The following GPATCH2 variants were observed in gnomAD, a reference collection of about 807,000 sequenced individuals.
GPATCH2 encodes the protein G-patch domain containing 2, also known as G patch domain-containing protein 2.
In GPATCH2, 51 loss-of-function variants were observed where a neutral mutation model predicts 58.0. The observed-to-expected ratio is 0.88, with a 90% CI of 0.70 to 1.11. The LOEUF (loss-of-function observed/expected upper bound fraction) is 1.11. Ranked by LOEUF, GPATCH2 falls within the 50% of genes most tolerant of loss-of-function variation. GPATCH2 has a pLI of 0.00. For missense variants in GPATCH2, 625 were observed against 652.2 expected, an observed-to-expected ratio of 0.96 and a Z score of 0.45; for synonymous variants, 222 against 218.5, an observed-to-expected ratio of 1.02 and a Z score of -0.14.
At chr1:217,565,751 G>A (rs893116421) in intron 5 of GPATCH2, among the ~76,000 whole-genome samples, 8 of 123,682 alleles carry the variant, frequency 6.5e-5, no homozygotes, top group South Asian at 2.8e-4. Context: ...TAAATAAAAC[G>A]TATATAAAAA....
intron 8 of GPATCH2, among the ~76,000 whole-genome samples, chr1:217,454,469 G>A (rs868644283): frequency 6.6e-6 from 1 of 150,520 alleles, no homozygotes; most frequent in Non-Finnish European, 1.5e-5. Context: ...GGCGCCTGTA[G>A]TCCCAGCTAC....
intron 5 of GPATCH2, among the ~76,000 whole-genome samples, chr1:217,549,720 A>C (rs1665256009): frequency 6.6e-6 from 1 of 152,234 alleles, no homozygotes; most frequent in Non-Finnish European, 1.5e-5. Context: ...AGAATTGACC[A>C]ATTTAGTTAA....
chr1:217,493,461 A>G (rs965764273), intron 7 of GPATCH2, among the ~76,000 whole-genome samples: 1 of 152,034 alleles, frequency 6.6e-6, no homozygotes, highest in African/African-American at 2.4e-5. Flanking sequence ...CAATTTGCCT[A>G]TATCTTCAGG....
intron 5 of GPATCH2, among the ~76,000 whole-genome samples, chr1:217,546,247 T>C (rs981262890): frequency 1.3e-5 from 2 of 152,206 alleles, no homozygotes; most frequent in Admixed American, 6.5e-5. Context: ...TTAAATGCTA[T>C]TCCTATTAAA....
At chr1:217,599,175 T>C (rs940306525) in intron 5 of GPATCH2, among the ~76,000 whole-genome samples, 2 of 152,260 alleles carry the variant, frequency 1.3e-5, no homozygotes, top group Middle Eastern at 3.4e-3. Context: ...TGAAGTATTA[T>C]AGGTCATAGG....
chr1:217,554,412 C>G lies in GPATCH2; in HGVS notation c.1099-39523G>C, dbSNP rs555229370. On this transcript the variant is annotated intron_variant, in intron 5 of 9. Coordinates refer to ENST00000366935, the MANE Select transcript of GPATCH2 (RefSeq NM_018040.5). Reference sequence around the variant, plus strand: ...TCTGTACTTGAGCATCTCTTGAGATCACATTAATAACACTACATTGCCTGG... The same window carrying G: ...TCTGTACTTGAGCATCTCTTGAGATGACATTAATAACACTACATTGCCTGG... Among the ~76,000 whole-genome samples the G allele has an allele frequency of 9.2e-5, 14 of 152,242 alleles. 1 individual carries two copies. The highest frequency in any genetic ancestry group is 7.2e-4 in the Admixed American group (11 of 15,284).
chr1:217,482,701 T>A (rs981484880), intron 8 of GPATCH2, among the ~76,000 whole-genome samples: 3 of 151,514 alleles, frequency 2.0e-5, no homozygotes, highest in African/African-American at 4.9e-5. Flanking sequence ...AGATTTTATT[T>A]AAAAAAAAAT....
At chr1:217,481,930 T>C (rs139926560) in intron 8 of GPATCH2, among the ~76,000 whole-genome samples, 296 of 151,828 alleles carry the variant, frequency 1.9e-3, no homozygotes, top group African/African-American at 6.1e-3. Context: ...ACAGGAAAAA[T>C]AGAAACAATA....
At chr1:217,513,923 C>T (rs1383598700) in intron 6 of GPATCH2, among the ~76,000 whole-genome samples, 5 of 151,266 alleles carry the variant, frequency 3.3e-5, no homozygotes, top group Non-Finnish European at 7.4e-5. Flanking sequence ...CTCCCAAGTT[C>T]TAGTGAGTCT....
At chr1:217,630,791 A>G (rs968576386) in intron 1 of GPATCH2, 125 bp downstream of exon 1, 2 of 659,266 alleles carry the variant, frequency 3.0e-6, no homozygotes, top group Non-Finnish European at 5.2e-6. Flanking sequence ...GAGTGAGAGC[A>G]AGGCCTAGAT....
intron 9 of GPATCH2, among the ~76,000 whole-genome samples, chr1:217,434,343 T>G (rs1390459816): frequency 1.3e-5 from 2 of 152,206 alleles, no homozygotes; most frequent in Non-Finnish European, 2.9e-5. Context: ...TAAAAATCTT[T>G]TGTCAAAAAT....
chr1:217,550,419 A>G (rs1035662882), intron 5 of GPATCH2, among the ~76,000 whole-genome samples: 12 of 152,094 alleles, frequency 7.9e-5, no homozygotes, highest in Non-Finnish European at 1.5e-4. Context: ...GACATTCATT[A>G]CCCTCAAAGT....
intron 8 of GPATCH2, among the ~76,000 whole-genome samples, chr1:217,458,012 A>G (rs1047481827): frequency 1.3e-5 from 2 of 152,074 alleles, no homozygotes; most frequent in Non-Finnish European, 2.9e-5. Context: ...CGGACCACGA[A>G]GTCAGGAGAT....
intron 5 of GPATCH2, among the ~76,000 whole-genome samples, chr1:217,594,330 G>A (rs1667723258): frequency 6.6e-6 from 1 of 151,890 alleles, no homozygotes; most frequent in Non-Finnish European, 1.5e-5. Flanking sequence ...AACAACTGCT[G>A]TTTAAAAAAA....
At chr1:217,523,764 C>A in intron 5 of GPATCH2, among the ~76,000 whole-genome samples, 1 of 148,522 alleles carries the variant, frequency 6.7e-6, no homozygotes, top group Non-Finnish European at 1.5e-5. Flanking sequence ...GCAGAGGCGC[C>A]CCTCACCTCC....
chr1:217,620,590 C>CA (rs1669137802), intron 1 of GPATCH2, 91 bp from the exon 2 acceptor site: 1 of 742,166 alleles, frequency 1.3e-6, no homozygotes, highest in African/African-American at 1.9e-5. Context: ...CTAAATTCGA[C>CA]AAAAATTAAT....
intron 5 of GPATCH2, among the ~76,000 whole-genome samples, chr1:217,536,872 G>A (rs1227063807): frequency 6.6e-6 from 1 of 152,178 alleles, no homozygotes; most frequent in African/African-American, 2.4e-5. Context: ...AGCTACTCGG[G>A]AGGCTGAGGC....
chr1:217,430,850 GGAAAGTATTGACACAT>G lies in GPATCH2; in HGVS notation c.*279_*294del. 1 of 408,554 alleles carries G rather than the reference GGAAAGTATTGACACAT, an allele frequency of 2.4e-6. No individual in the cohort carries two copies. The highest frequency in any genetic ancestry group is 4.5e-6 in the Non-Finnish European group (1 of 224,552). 25.3% of individuals were successfully genotyped at this position (408,554 alleles called of 1,614,324 possible). Reference sequence around the variant, plus strand: ...ACATACATGAATTAAGCAAAGCATCGGAAAGTATTGACACATGAGACTAAAATAAATAAGAGAAACG... The same window carrying G: ...ACATACATGAATTAAGCAAAGCATCGGAGACTAAAATAAATAAGAGAAACG... On this transcript the variant is annotated 3_prime_UTR_variant, in exon 10 of 10. Transcript: ENST00000366935.
chr1:217,577,851 G>A lies in GPATCH2; in HGVS notation c.1098+32470C>T, dbSNP rs1029407267. The stretch of plus-strand genomic sequence containing the variant: ...CAACCTCCGCCTCCCAGGTTCAAGC[G>A]TTTCTCCTGCTTCAGCCACCCGAGT... On this transcript the variant is annotated intron_variant, in intron 5 of 9. Coordinates refer to ENST00000366935, the MANE Select transcript of GPATCH2 (RefSeq NM_018040.5). Among the ~76,000 whole-genome samples the A allele has an allele frequency of 2.6e-5, 4 of 151,962 alleles. No individual in the cohort carries two copies. The East Asian group carries it at 5.8e-4, about 22-fold the overall frequency.
Sources: allele counts gnomAD v4.1 joint callset (sites outside exome capture counted in the v4.1 genomes callset), GRCh38; gene constraint gnomAD v4.1.1; transcripts MANE v1.5; gene names NCBI Gene and HGNC (gene_info 2026-07-23, HGNC 2026-07-21).